The following EHMT1 variants were observed in gnomAD, a reference collection of about 807,000 sequenced individuals.
EHMT1 encodes euchromatic histone lysine methyltransferase 1.
EHMT1 carries 15 observed loss-of-function variants against 147.2 expected under a neutral mutation model. The observed-to-expected ratio is 0.10, with a 90% CI of 0.07 to 0.16. The LOEUF (loss-of-function observed/expected upper bound fraction) is 0.16. Ranked by LOEUF, EHMT1 falls within the 10% of genes least tolerant of loss-of-function variation. EHMT1 has a pLI of 1.00. For synonymous variants in EHMT1, 795 were observed against 709.6 expected (o/e 1.12, Z -1.91); for missense variants, 1,587 against 1,772.4 (o/e 0.90, Z 1.88).
rs551544937 is a variant in EHMT1 at position 137,822,785 on chromosome 9, C to T, written c.3540+4647C>T. Among the ~76,000 whole-genome samples the T allele has an allele frequency of 3.6e-3, 546 of 151,264 alleles. 6 individuals carry two copies. Among genetic ancestry groups the T allele is most frequent in the African/African-American group, 0.012 (511 of 41,124 alleles). On this transcript the variant is annotated intron_variant, in intron 25 of 26. Coordinates refer to ENST00000460843, the MANE Select transcript of EHMT1 (RefSeq NM_024757.5). ...GCGCATGCCTGTAATCCCAGTTACT[C>T]GGGAGGCTGAGGCAGGAGACTTGCT...
At chr9:137,822,762 G>T (rs11137251) in intron 25 of EHMT1, among the ~76,000 whole-genome samples, 3 of 151,878 alleles carry the variant, frequency 2.0e-5, no homozygotes, top group Non-Finnish European at 2.9e-5. Flanking sequence ...GTGTGGTGGC[G>T]CATGCCTGTA....
intron 17 of EHMT1, among the ~76,000 whole-genome samples, chr9:137,799,902 G>T (rs1295313641): frequency 1.3e-5 from 2 of 152,228 alleles, no homozygotes; most frequent in Non-Finnish European, 2.9e-5. Context: ...CTCTGACGTT[G>T]TACCCTCCTC....
intron 1 of EHMT1, 97 bp downstream of exon 1, chr9:137,619,146 C>T (rs1249586817): frequency 7.4e-5 from 19 of 255,808 alleles, no homozygotes; most frequent in African/African-American, 9.8e-5. Context: ...GGCAGGCGGC[C>T]GGCGGGCGGG....
intron 1 of EHMT1, among the ~76,000 whole-genome samples, chr9:137,649,952 CT>C (rs1317068991): frequency 6.6e-6 from 1 of 152,166 alleles, no homozygotes; most frequent in Non-Finnish European, 1.5e-5. Context: ...TGTGTTACTT[CT>C]TACAATTGCA....
At chr9:137,728,824 A>T (rs898625414) in intron 4 of EHMT1, among the ~76,000 whole-genome samples, 1 of 152,102 alleles carries the variant, frequency 6.6e-6, no homozygotes, top group South Asian at 2.1e-4. Flanking sequence ...AAGACCCTGG[A>T]GTTGGAAGCT....
At chr9:137,814,222 G>C (rs1954745468) in intron 21 of EHMT1, 2 of 650,054 alleles carry the variant, frequency 3.1e-6, no homozygotes, top group Non-Finnish European at 2.8e-6. Flanking sequence ...CCCTCTGTCA[G>C]GGTCCTCAGC....
chr9:137,619,218 G>A (rs888373438), intron 1 of EHMT1, among the ~76,000 whole-genome samples, 169 bp downstream of exon 1: 1 of 142,278 alleles, frequency 7.0e-6, no homozygotes, highest in Non-Finnish European at 1.6e-5. Flanking sequence ...CCGAGGCCGG[G>A]CCGAGGCCGC....
intron 3 of EHMT1, 173 bp downstream of exon 3, chr9:137,717,355 C>A: frequency 1.2e-6 from 1 of 862,172 alleles, no homozygotes; most frequent in Non-Finnish European, 1.8e-6. Context: ...GTTATCGCAG[C>A]ACTTTGGGAG....
intron 1 of EHMT1, among the ~76,000 whole-genome samples, chr9:137,669,660 T>C (rs1163679005): frequency 6.6e-6 from 1 of 151,590 alleles, no homozygotes; most frequent in Non-Finnish European, 1.5e-5. Context: ...CTTCGGAGCA[T>C]TCATTGCCTT....
At chr9:137,765,314 G>A (rs1169308056) in intron 10 of EHMT1, among the ~76,000 whole-genome samples, 1 of 152,160 alleles carries the variant, frequency 6.6e-6, no homozygotes, top group Non-Finnish European at 1.5e-5. Context: ...ATGAATGGGT[G>A]CTCTAACAAC....
chr9:137,622,617 C>T (rs1192469302), intron 1 of EHMT1, among the ~76,000 whole-genome samples: 3 of 152,204 alleles, frequency 2.0e-5, no homozygotes, highest in South Asian at 2.1e-4. Context: ...TCATCCTGCC[C>T]CAATCAGAAT....
chr9:137,715,900 G>A (rs577387038), intron 2 of EHMT1: 39 of 922,046 alleles, frequency 4.2e-5, no homozygotes, highest in African/African-American at 2.3e-4. Context: ...AACGTTCAAC[G>A]TTAATGCTTA....
At chr9:137,652,219 C>T (rs187128411) in intron 1 of EHMT1, among the ~76,000 whole-genome samples, 3 of 152,146 alleles carry the variant, frequency 2.0e-5, no homozygotes, top group Admixed American at 6.6e-5. Context: ...ATGATCCTGA[C>T]TCTGTGTGGG....
At chr9:137,806,451 T>TC (rs1486378374) in intron 18 of EHMT1, among the ~76,000 whole-genome samples, 1 of 151,924 alleles carries the variant, frequency 6.6e-6, no homozygotes, top group African/African-American at 2.4e-5. Flanking sequence ...CTTTTTTTTT[T>TC]TGAAATGGAG....
chr9:137,804,189 A>G (rs1399105457), intron 18 of EHMT1, among the ~76,000 whole-genome samples: 2 of 152,210 alleles, frequency 1.3e-5, no homozygotes, highest in Non-Finnish European at 2.9e-5. Context: ...CCCTTGACAC[A>G]TGGGGATTAC....
At chr9:137,690,317 T>C (rs557453039) in intron 1 of EHMT1, among the ~76,000 whole-genome samples, 4 of 152,234 alleles carry the variant, frequency 2.6e-5, no homozygotes, top group Non-Finnish European at 4.4e-5. Flanking sequence ...TGTCAGTACA[T>C]AGAGATCAAC....
intron 12 of EHMT1, 25 bp from the exon 13 acceptor site, chr9:137,777,857 C>G: frequency 6.2e-7 from 1 of 1,611,572 alleles, no homozygotes; most frequent in Non-Finnish European, 8.5e-7. Context: ...TTTCATAAAC[C>G]TTTCCCCGAT....
intron 3 of EHMT1, among the ~76,000 whole-genome samples, chr9:137,721,205 TCCC>T: frequency 5.2e-5 from 1 of 19,312 alleles, no homozygotes; most frequent in East Asian, 1.7e-3. Flanking sequence ...CACTCACCCC[TCCC>T]AGACTTCTCA....
At chr9:137,691,842 C>G (rs1275361812) in intron 1 of EHMT1, among the ~76,000 whole-genome samples, 1 of 152,162 alleles carries the variant, frequency 6.6e-6, no homozygotes, top group Non-Finnish European at 1.5e-5. Flanking sequence ...TTGCCTGGCT[C>G]TTGGCTCCCG....
Sources: gnomAD v4.1 joint callset for allele counts (sites outside exome capture counted in the v4.1 genomes callset) on GRCh38, gnomAD v4.1.1 for gene constraint, MANE v1.5 for transcripts, NCBI Gene and HGNC (gene_info 2026-07-23, HGNC 2026-07-21) for gene names.